The following TMEM74 variants were observed in gnomAD, a reference collection of about 807,000 sequenced individuals.
The protein encoded by TMEM74 is transmembrane protein 74.
A neutral mutation model predicts 18.1 loss-of-function variants in TMEM74; 13 were observed. That is an observed-to-expected ratio of 0.72 (90% CI 0.47 to 1.14). The LOEUF is 1.14. TMEM74 is among the 50% of genes most tolerant of loss of function. The pLI is 0.00. For synonymous variants in TMEM74, 159 were observed against 146.6 expected (o/e 1.08, Z -0.61); for missense variants, 372 against 375.9 (o/e 0.99, Z 0.09).
In TMEM74 at chr8:108,780,312, A is replaced by G. The variant is rs1586295770; in HGVS notation, c.*3869T>C. On this transcript the variant is annotated 3_prime_UTR_variant, in exon 2 of 2. Coordinates refer to ENST00000297459, the MANE Select transcript of TMEM74 (RefSeq NM_153015.3). ...CTTTTTTAACTTGACAATTAATCCA[A>G]GTAAAATTTTGCATACACCTATCAT... Among the ~76,000 whole-genome samples the G allele has an allele frequency of 6.6e-6, 1 of 152,304 alleles. No homozygotes were observed. The highest frequency in any genetic ancestry group is 1.9e-4 in the East Asian group (1 of 5,176).
intron 2 of TMEM74, among the ~76,000 whole-genome samples, chr8:108,643,001 C>T (rs1302404699): frequency 6.6e-6 from 1 of 152,104 alleles, no homozygotes; most frequent in African/African-American, 2.4e-5. Context: ...TCACTATATA[C>T]CCCTTACCCC....
At chr8:108,677,198 A>G (rs1238259933) in intron 1 of TMEM74, among the ~76,000 whole-genome samples, 1 of 152,164 alleles carries the variant, frequency 6.6e-6, no homozygotes, top group Admixed American at 6.6e-5. Flanking sequence ...CATGGCTAGG[A>G]GTTGTCTGGC....
intron 2 of TMEM74, among the ~76,000 whole-genome samples, chr8:108,644,299 C>T (rs1033513926): frequency 1.3e-5 from 2 of 152,142 alleles, no homozygotes; most frequent in East Asian, 3.9e-4. Flanking sequence ...TGGTCAGCCA[C>T]ATGCAGAGGA....
At chr8:108,769,118 C>A (rs529471616) in intron 1 of TMEM74, among the ~76,000 whole-genome samples, 1 of 149,170 alleles carries the variant, frequency 6.7e-6, no homozygotes, top group South Asian at 2.1e-4. Flanking sequence ...GCCTGGCCAA[C>A]ATGGTGAAAC....
intron 1 of TMEM74, among the ~76,000 whole-genome samples, chr8:108,737,685 C>T (rs761079322): frequency 2.0e-5 from 3 of 152,096 alleles, no homozygotes; most frequent in Non-Finnish European, 2.9e-5. Context: ...CAGGTCAATA[C>T]AACTTCAATA....
intron 2 of TMEM74, among the ~76,000 whole-genome samples, chr8:108,643,088 C>G (rs1437956743): frequency 1.3e-5 from 2 of 152,120 alleles, no homozygotes; most frequent in East Asian, 3.9e-4. Context: ...AATTTGCAGT[C>G]TAATGGAGGA....
At chr8:108,754,839 G>C (rs917197696) in intron 1 of TMEM74, among the ~76,000 whole-genome samples, 1 of 151,908 alleles carries the variant, frequency 6.6e-6, no homozygotes, top group Admixed American at 6.6e-5. Context: ...AGCTGACAGT[G>C]TAAGCCTCAG....
At chr8:108,722,413 A>T (rs1020903831) in intron 1 of TMEM74, among the ~76,000 whole-genome samples, 5 of 152,220 alleles carry the variant, frequency 3.3e-5, no homozygotes, top group Admixed American at 6.5e-5. Flanking sequence ...AACAACTTGA[A>T]GACAGGAATG....
chr8:108,710,562 C>T lies in TMEM74; in HGVS notation n.120-55125G>A, dbSNP rs148463107. ...ATAGCTGAAAGAACACTTAGGGGGC[C>T]GTAGGCAGGTGAAATGCAGTTTTAT... is the stretch of plus-strand genomic sequence containing the variant. On this transcript the variant is annotated intron_variant and non_coding_transcript_variant, in intron 1 of 3. Coordinates refer to the TMEM74 transcript ENST00000518838. Among the ~76,000 whole-genome samples, 1,201 of 152,290 alleles carry T rather than the reference C, an allele frequency of 7.9e-3. 36 individuals are homozygous for T. Among genetic ancestry groups the T allele is most frequent in the Admixed American group, 0.063 (959 of 15,290 alleles).
chr8:108,692,650 T>C (rs944009449), intron 1 of TMEM74, among the ~76,000 whole-genome samples: 4 of 152,076 alleles, frequency 2.6e-5, no homozygotes, highest in African/African-American at 7.2e-5. Flanking sequence ...TACTCTGAAA[T>C]TAAAATGTTA....
chr8:108,617,838 A>G (rs1812400947), intron 2 of TMEM74, among the ~76,000 whole-genome samples: 1 of 152,126 alleles, frequency 6.6e-6, no homozygotes, highest in Non-Finnish European at 1.5e-5. Context: ...TAATTTCAAG[A>G]AAAGTTTACC....
intron 2 of TMEM74, among the ~76,000 whole-genome samples, chr8:108,648,737 G>A (rs1812744943): frequency 6.6e-6 from 1 of 152,016 alleles, no homozygotes; most frequent in African/African-American, 2.4e-5. Flanking sequence ...TCTAGAGAAG[G>A]CAAGGAAGTA....
chr8:108,728,607 A>G (rs1813663903), intron 1 of TMEM74, among the ~76,000 whole-genome samples: 1 of 152,202 alleles, frequency 6.6e-6, no homozygotes, highest in African/African-American at 2.4e-5. Flanking sequence ...TCAATTTAGC[A>G]AGGTATAACT....
At chr8:108,724,731 G>A (rs975432557) in intron 1 of TMEM74, among the ~76,000 whole-genome samples, 2 of 152,128 alleles carry the variant, frequency 1.3e-5, no homozygotes, top group African/African-American at 2.4e-5. Flanking sequence ...CTTAGGTACA[G>A]AGAGAAAGTG....
At chr8:108,776,784 G>A (rs563589144), downstream of TMEM74, among the ~76,000 whole-genome samples, 81 of 152,104 alleles carry the variant, frequency 5.3e-4, no homozygotes, top group African/African-American at 1.9e-3. Context: ...AGGAGAGAAA[G>A]AGGGAGTGGG....
At chr8:108,770,216 G>T (rs1400353268) in intron 1 of TMEM74, among the ~76,000 whole-genome samples, 1 of 152,072 alleles carries the variant, frequency 6.6e-6, no homozygotes, top group Admixed American at 6.6e-5. Flanking sequence ...TGAGTAAAAA[G>T]CTACAGAGTG....
At chr8:108,766,432 A>G (rs1814107985) in intron 1 of TMEM74, among the ~76,000 whole-genome samples, 1 of 152,148 alleles carries the variant, frequency 6.6e-6, no homozygotes, top group South Asian at 2.1e-4. Context: ...AAAATTCTGT[A>G]AGGGATTAAA....
chr8:108,675,675 T>C (rs890115115), intron 1 of TMEM74, among the ~76,000 whole-genome samples: 1 of 152,168 alleles, frequency 6.6e-6, no homozygotes, highest in Non-Finnish European at 1.5e-5. Context: ...TTCAGGGAGC[T>C]AAATGGCAGG....
chr8:108,688,361 T>C (rs3019417), intron 1 of TMEM74, among the ~76,000 whole-genome samples: 109,969 of 152,180 alleles, frequency 0.72, 40,250 homozygotes, highest in East Asian at 0.99. Flanking sequence ...TCACAACTCA[T>C]GTTCACGCTC....
Sources: allele counts gnomAD v4.1 joint callset (sites outside exome capture counted in the v4.1 genomes callset), GRCh38; gene constraint gnomAD v4.1.1; transcripts MANE v1.5; gene names NCBI Gene and HGNC (gene_info 2026-07-23, HGNC 2026-07-21).